The following MACROD2 variants were observed in gnomAD, a reference collection of about 807,000 sequenced individuals.
The protein encoded by MACROD2 is mono-ADP ribosylhydrolase 2.
In MACROD2, 36 loss-of-function variants were observed where a neutral mutation model predicts 70.4. The ratio of observed to expected loss-of-function variants is 0.51; its 90% CI spans 0.39 to 0.68. MACROD2 has a LOEUF of 0.68. Ranked by LOEUF, MACROD2 falls within the 30% of genes least tolerant of loss-of-function variation. The pLI, the probability that MACROD2 is intolerant of heterozygous loss-of-function variation, is 0.00. For missense variants in MACROD2, 496 were observed against 538.4 expected, an observed-to-expected ratio of 0.92 and a Z score of 0.78; for synonymous variants, 172 against 178.8, an observed-to-expected ratio of 0.96 and a Z score of 0.30.
intron 4 of MACROD2, among the ~76,000 whole-genome samples, chr20:14,663,754 A>G (rs2070705176): frequency 6.6e-6 from 1 of 152,104 alleles, no homozygotes; most frequent in Admixed American, 6.6e-5. Flanking sequence ...ATATGTAGTT[A>G]CGCATTAATT....
At chr20:14,914,576 A>C (rs185797085) in intron 5 of MACROD2, among the ~76,000 whole-genome samples, 2 of 152,224 alleles carry the variant, frequency 1.3e-5, no homozygotes, top group Non-Finnish European at 2.9e-5. Context: ...CTAAGAAACC[A>C]TAAAAGAGCA....
At chr20:14,337,655 G>T in intron 3 of MACROD2, 1 of 398,272 alleles carries the variant, frequency 2.5e-6, no homozygotes, top group Non-Finnish European at 4.4e-6. Flanking sequence ...TCACCTCGCA[G>T]TGGCTGAAGA....
intron 5 of MACROD2, among the ~76,000 whole-genome samples, chr20:14,831,000 T>C (rs1338444795): frequency 6.6e-6 from 1 of 152,122 alleles, no homozygotes; most frequent in Non-Finnish European, 1.5e-5. Context: ...GAAATCTCAA[T>C]GTTGGTTACT....
At chr20:15,568,583 T>A in intron 8 of MACROD2, among the ~76,000 whole-genome samples, 1 of 152,172 alleles carries the variant, frequency 6.6e-6, no homozygotes, top group East Asian at 1.9e-4. Context: ...GCACATCAGT[T>A]TTGTTCAGAA....
intron 5 of MACROD2, among the ~76,000 whole-genome samples, chr20:14,711,034 T>G (rs760706436): frequency 6.6e-6 from 1 of 152,186 alleles, no homozygotes; most frequent in Non-Finnish European, 1.5e-5. Context: ...GGAGTTAAAA[T>G]TGAGAGAGAA....
In MACROD2 at chr20:14,326,950, C is replaced by T. The variant is rs990142592; in HGVS notation, c.272-166529C>T. 3.1e-6 allele frequency: 5 copies of T among 1,613,530 alleles called. No homozygotes were observed. The highest frequency in any genetic ancestry group is 1.3e-5 in the African/African-American group (1 of 74,852). On this transcript the variant is annotated intron_variant, in intron 3 of 17. Coordinates refer to ENST00000684519, the MANE Select transcript of MACROD2 (RefSeq NM_001351661.2). This position sits in a 1 kb window ranked among gnomAD's most constrained non-coding sequence, Gnocchi z 5.5. Reference sequence around the variant, plus strand: ...AGATGGTGATGAAATAGTGGATATGCGATTATCATCCAAGCGTAGTTCTTC... The same window carrying T: ...AGATGGTGATGAAATAGTGGATATGTGATTATCATCCAAGCGTAGTTCTTC...
intron 15 of MACROD2, among the ~76,000 whole-genome samples, chr20:16,020,940 G>A (rs147148443): frequency 6.6e-6 from 1 of 152,264 alleles, no homozygotes; most frequent in East Asian, 1.9e-4. Context: ...TGTTTGAAGT[G>A]TAATCAAATT....
In MACROD2 at chr20:14,809,670, A is replaced by G. The variant is rs184088887; in HGVS notation, c.418+124711A>G. On this transcript the variant is annotated intron_variant, in intron 5 of 17. Coordinates refer to ENST00000684519, the MANE Select transcript of MACROD2 (RefSeq NM_001351661.2). The stretch of plus-strand genomic sequence containing the variant: ...GGAGCTCATTTTTTTGAAAAGATTA[A>G]CAAAATAGACTGCTAGCCAGACTAA... Among the ~76,000 whole-genome samples, 45 of 152,240 alleles carry G rather than the reference A, an allele frequency of 3.0e-4. 1 individual carries two copies. Among genetic ancestry groups the G allele is most frequent in the Admixed American group, 2.6e-3 (40 of 15,280 alleles).
chr20:14,895,028 C>T (rs1158426059), intron 5 of MACROD2: 2 of 151,828 alleles, frequency 1.3e-5, no homozygotes, highest in African/African-American at 2.4e-5. Flanking sequence ...ATTCTATTAA[C>T]GAGAATGAAT....
chr20:15,686,967 TC>T (rs2050235208), intron 8 of MACROD2, among the ~76,000 whole-genome samples: 1 of 150,848 alleles, frequency 6.6e-6, no homozygotes, highest in African/African-American at 2.4e-5. Flanking sequence ...CAAGGAACTT[TC>T]TTTCTTTTAT....
At chr20:15,949,360 T>C (rs997435930) in intron 12 of MACROD2, among the ~76,000 whole-genome samples, 1 of 152,182 alleles carries the variant, frequency 6.6e-6, no homozygotes, top group African/African-American at 2.4e-5. Flanking sequence ...CAGTGATATG[T>C]CATTGAATCA....
chr20:15,875,986 G>A (rs2064662374), intron 9 of MACROD2, among the ~76,000 whole-genome samples: 1 of 151,372 alleles, frequency 6.6e-6, no homozygotes, highest in Non-Finnish European at 1.5e-5. Flanking sequence ...AGAAGGCACA[G>A]AAGTAAGAGT....
chr20:15,853,069 G>C (rs1003660880), intron 8 of MACROD2, among the ~76,000 whole-genome samples: 1 of 152,044 alleles, frequency 6.6e-6, no homozygotes, highest in African/African-American at 2.4e-5. Context: ...GATAAAAAAG[G>C]TGCCCCTGAT....
Position 14,322,260 on chromosome 20 carries a change from A to G in MACROD2, c.272-171219A>G, listed in dbSNP as rs373356729. On this transcript the variant is annotated intron_variant, in intron 3 of 17. Transcript: ENST00000684519. The stretch of plus-strand genomic sequence containing the variant: ...AAGCGTAGGTAAAGAAAAAACTTGT[A>G]TCCTCTTGGTGCTCTGTGTATTTGC... 4.8e-5 allele frequency among the ~76,000 whole-genome samples: 7 copies of G among 145,000 alleles called. No homozygotes were observed. In the East Asian group the frequency reaches 8.0e-4, roughly 17 times the overall value.
At chr20:14,715,132 G>A (rs1346318197) in intron 5 of MACROD2, among the ~76,000 whole-genome samples, 3 of 152,158 alleles carry the variant, frequency 2.0e-5, no homozygotes, top group Non-Finnish European at 4.4e-5. Context: ...CATGGCAGAA[G>A]GGAAAGCAAA....
chr20:14,195,998 C>T (rs1254990007), intron 3 of MACROD2, among the ~76,000 whole-genome samples: 1 of 152,102 alleles, frequency 6.6e-6, no homozygotes, highest in Non-Finnish European at 1.5e-5. Context: ...AAAAGAGCAC[C>T]GTGTAACACA....
chr20:15,051,436 G>C (rs1375606220), intron 5 of MACROD2, among the ~76,000 whole-genome samples: 1 of 150,812 alleles, frequency 6.6e-6, no homozygotes, highest in South Asian at 2.1e-4. Flanking sequence ...GTAGAACTGG[G>C]GACTGGCAAG....
chr20:15,258,440 T>G (rs530462501), intron 6 of MACROD2, among the ~76,000 whole-genome samples: 1 of 152,256 alleles, frequency 6.6e-6, no homozygotes, highest in East Asian at 1.9e-4. Flanking sequence ...ACTTTTACTG[T>G]ATCTTTTCTA....
chr20:15,403,442 CGAGGAG>C (rs1318548233), intron 6 of MACROD2, among the ~76,000 whole-genome samples: 1 of 134,746 alleles, frequency 7.4e-6, no homozygotes, highest in Non-Finnish European at 1.7e-5. Flanking sequence ...AGGAGGAGGA[CGAGGAG>C]GAGGAGGAGA....
Sources: gnomAD v4.1 joint callset for allele counts (sites outside exome capture counted in the v4.1 genomes callset) on GRCh38, gnomAD v4.1.1 for gene constraint, Gnocchi (gnomAD v3.1) non-coding constraint, MANE v1.5 for transcripts, NCBI Gene and HGNC (gene_info 2026-07-23, HGNC 2026-07-21) for gene names.